The following CNTNAP4 variants were observed in gnomAD, a reference collection of about 807,000 sequenced individuals.
The protein encoded by CNTNAP4 is contactin associated protein family member 4.
Under a neutral mutation model 148.4 loss-of-function variants are expected in CNTNAP4, and 98 were observed. The ratio of observed to expected loss-of-function variants is 0.66; its 90% CI spans 0.56 to 0.78. The LOEUF (loss-of-function observed/expected upper bound fraction) is 0.78, where lower values mean the gene tolerates loss of function less well. Among genes scored for constraint, CNTNAP4 ranks in the 30% least tolerant of loss-of-function variants. The pLI, the probability that CNTNAP4 is intolerant of heterozygous loss-of-function variation, is 0.00. For missense variants in CNTNAP4, 1,935 were observed against 1,565.6 expected (o/e 1.24, Z -3.98); for synonymous variants, 730 against 565.1 (o/e 1.29, Z -4.14).
intron 1 of CNTNAP4, among the ~76,000 whole-genome samples, chr16:76,301,363 CTG>C (rs1420557250): frequency 6.6e-6 from 1 of 152,034 alleles, no homozygotes. Context: ...TTTTTAAAAA[CTG>C]TGTTTGAGGC....
intron 1 of CNTNAP4, among the ~76,000 whole-genome samples, chr16:76,287,052 C>A (rs750276135): frequency 2.6e-5 from 4 of 152,154 alleles, no homozygotes; most frequent in Non-Finnish European, 5.9e-5. Context: ...GTTAAGAAAA[C>A]TTCATGCTCA....
chr16:76,539,733 A>G lies in CNTNAP4; in HGVS notation c.3235A>G (p.Arg1079Gly). 6.3e-7 allele frequency: 1 copy of G among 1,594,892 alleles called. No individual in the cohort carries two copies. Among genetic ancestry groups the G allele is most frequent in the Non-Finnish European group, 8.5e-7 (1 of 1,174,052 alleles). Residue 1079 changes from arginine to glycine, a missense_variant, in exon 20 of 24, where the codon AGG becomes GGG. Arg to Gly is a moderately radical substitution (Grantham distance 125). Coordinates refer to ENST00000611870, the MANE Select transcript of CNTNAP4 (RefSeq NM_033401.5). The stretch of plus-strand genomic sequence containing the variant: ...CCCCACTCTAGGAAGTTTGCAGATC[A>G]GGTACAAGTTAAATAAATATCAAGA... ...IIAKNGSLQI[R>G]YKLNKYQEPD...
intron 15 of CNTNAP4, among the ~76,000 whole-genome samples, chr16:76,507,125 T>A (rs2082864540): frequency 1.0e-5 from 1 of 97,834 alleles, no homozygotes; most frequent in African/African-American, 2.6e-5. Context: ...ATTTATGGGA[T>A]ACATGAGACA....
chr16:76,537,240 G>C (rs180726832), intron 18 of CNTNAP4, among the ~76,000 whole-genome samples: 6 of 152,038 alleles, frequency 3.9e-5, no homozygotes, highest in Non-Finnish European at 7.4e-5. Context: ...TATAAAATGC[G>C]TGTTATAGAT....
chr16:76,370,320 A>G (rs2014653268), intron 3 of CNTNAP4, among the ~76,000 whole-genome samples: 1 of 152,088 alleles, frequency 6.6e-6, no homozygotes, highest in African/African-American at 2.4e-5. Flanking sequence ...CTGGTTCTAA[A>G]TTGTCCTCTG....
chr16:76,510,051 T>A lies in CNTNAP4; in HGVS notation c.2366-11089T>A, dbSNP rs1233108652. 7.2e-5 allele frequency among the ~76,000 whole-genome samples: 9 copies of A among 124,752 alleles called. 1 individual carries two copies. The highest frequency in any genetic ancestry group is 2.2e-4 in the African/African-American group (9 of 40,234). The allele number at this position is 124,752 out of a possible 152,430, so 81.8% of individuals were successfully genotyped here. ...AGTATATTTAATCATTTTAATGTAC[T>A]ATACAGATTTGAGCAACCATCACCA... is the stretch of plus-strand genomic sequence containing the variant. On this transcript the variant is annotated intron_variant, in intron 15 of 23. Coordinates refer to ENST00000611870, the MANE Select transcript of CNTNAP4 (RefSeq NM_033401.5).
At chr16:76,333,430 C>T (rs1371232435) in intron 2 of CNTNAP4, among the ~76,000 whole-genome samples, 1 of 152,198 alleles carries the variant, frequency 6.6e-6, no homozygotes, top group African/African-American at 2.4e-5. Context: ...ATGTTTATTT[C>T]ATTCCTTTTA....
At chr16:76,548,082 G>C (rs568704559) in intron 21 of CNTNAP4, among the ~76,000 whole-genome samples, 8 of 152,256 alleles carry the variant, frequency 5.3e-5, no homozygotes, top group African/African-American at 1.7e-4. Flanking sequence ...GCATTAATCA[G>C]GCTTTCAAGT....
intron 4 of CNTNAP4, among the ~76,000 whole-genome samples, chr16:76,433,427 A>C (rs1044231931): frequency 2.6e-5 from 4 of 152,204 alleles, no homozygotes; most frequent in African/African-American, 9.6e-5. Context: ...CAATCATTTT[A>C]AAACATATTA....
chr16:76,411,025 C>G (rs995155423), intron 3 of CNTNAP4, among the ~76,000 whole-genome samples: 1 of 151,232 alleles, frequency 6.6e-6, no homozygotes, highest in Non-Finnish European at 1.5e-5. Context: ...ATGAAGTATA[C>G]ATTAATGTAC....
intron 1 of CNTNAP4, among the ~76,000 whole-genome samples, chr16:76,294,014 A>G (rs1351655874): frequency 6.6e-6 from 1 of 152,088 alleles, no homozygotes; most frequent in Admixed American, 6.6e-5. Context: ...TCTAGTTTCC[A>G]TTTCAGGGAC....
At chr16:76,389,201 G>T (rs538224347) in intron 3 of CNTNAP4, among the ~76,000 whole-genome samples, 1 of 152,318 alleles carries the variant, frequency 6.6e-6, no homozygotes, top group East Asian at 1.9e-4. Context: ...CAAGCTTTCT[G>T]TATGTGTGCT....
chr16:76,285,124 T>A (rs1183620434), intron 1 of CNTNAP4, among the ~76,000 whole-genome samples: 1 of 151,974 alleles, frequency 6.6e-6, no homozygotes, highest in Admixed American at 6.6e-5. Flanking sequence ...CCATGGAACA[T>A]TGGTATTTGG....
intron 3 of CNTNAP4, among the ~76,000 whole-genome samples, chr16:76,357,883 C>G (rs888913791): frequency 1.3e-5 from 2 of 152,062 alleles, no homozygotes; most frequent in African/African-American, 2.4e-5. Flanking sequence ...TTTTTCTAGT[C>G]TTAGCATTTC....
At chr16:76,518,369 C>G (rs544909574) in intron 15 of CNTNAP4, among the ~76,000 whole-genome samples, 12 of 152,110 alleles carry the variant, frequency 7.9e-5, no homozygotes, top group Non-Finnish European at 1.8e-4. Context: ...CTCAAGTGAT[C>G]TGCCCACCTC....
chr16:76,452,945 A>G (rs1597591092), intron 8 of CNTNAP4, among the ~76,000 whole-genome samples, 176 bp downstream of exon 8: 3 of 152,238 alleles, frequency 2.0e-5, no homozygotes, highest in East Asian at 3.9e-4. Context: ...TCTTTTAAAT[A>G]TGGTTCCAAC....
At chr16:76,307,353 A>G (rs1192476877) in intron 1 of CNTNAP4, among the ~76,000 whole-genome samples, 1 of 151,904 alleles carries the variant, frequency 6.6e-6, no homozygotes, top group Non-Finnish European at 1.5e-5. Flanking sequence ...TTAGTAAATC[A>G]GCAAACCTTG....
At chr16:76,404,324 A>C (rs1241406119) in intron 3 of CNTNAP4, among the ~76,000 whole-genome samples, 3 of 152,104 alleles carry the variant, frequency 2.0e-5, no homozygotes, top group African/African-American at 7.2e-5. Context: ...TATCAGGATC[A>C]CCGAGAGTAG....
intron 3 of CNTNAP4, among the ~76,000 whole-genome samples, chr16:76,402,592 G>T (rs1382030563): frequency 1.3e-5 from 2 of 152,044 alleles, no homozygotes; most frequent in Non-Finnish European, 2.9e-5. Context: ...CTTGTCTTCT[G>T]TTAGCTTTGG....
Sources: gnomAD v4.1 joint callset for allele counts (sites outside exome capture counted in the v4.1 genomes callset) on GRCh38, gnomAD v4.1.1 for gene constraint, MANE v1.5 for transcripts, NCBI Gene and HGNC (gene_info 2026-07-23, HGNC 2026-07-21) for gene names.